BLMH: variants seen among roughly 807,000 people sequenced by gnomAD.
BLMH encodes the protein BLM hydrolase.
Under a neutral mutation model 61.6 loss-of-function variants are expected in BLMH, and 32 were observed. That is an observed-to-expected ratio of 0.52 (90% confidence interval 0.39 to 0.70). The LOEUF (loss-of-function observed/expected upper bound fraction) is 0.70, where lower values mean the gene tolerates loss of function less well. Among genes scored for constraint, BLMH ranks in the 30% least tolerant of loss-of-function variants. The probability of loss-of-function intolerance (pLI) is 0.00; values close to 1 mark genes in which losing one functional copy is unlikely to be tolerated. For synonymous variants in BLMH, 183 were observed against 193.8 expected, an observed-to-expected ratio of 0.94 and a Z score of 0.46; for missense variants, 460 against 555.5, an observed-to-expected ratio of 0.83 and a Z score of 1.73.
At chr17:30,251,018 T>C (rs1183024952) in intron 11 of BLMH, among the ~76,000 whole-genome samples, 1 of 152,216 alleles carries the variant, frequency 6.6e-6, no homozygotes, top group East Asian at 1.9e-4. Flanking sequence ...CTCACTTATA[T>C]AAGTTGGAGC....
intron 6 of BLMH, among the ~76,000 whole-genome samples, chr17:30,277,169 C>T (rs935161236): frequency 2.0e-5 from 3 of 152,172 alleles, no homozygotes; most frequent in Non-Finnish European, 2.9e-5. Flanking sequence ...GTGTGTGTTA[C>T]GAGCCTGAAC....
At chr17:30,250,266 G>C (rs1875451511) in intron 11 of BLMH, 2 of 152,190 alleles carry the variant, frequency 1.3e-5, no homozygotes, top group Admixed American at 6.5e-5. Flanking sequence ...TGCACAGCAA[G>C]AGAAATAGCA....
chr17:30,251,965 TA>T (rs1183619707), intron 11 of BLMH: 2 of 152,232 alleles, frequency 1.3e-5, no homozygotes, highest in African/African-American at 4.8e-5. Context: ...TTATATTATG[TA>T]AAAAAATATT....
At position 30,248,726 on chromosome 17, in the gene BLMH, C is replaced by G. The variant is rs1907592209; in HGVS notation, c.*291G>C. The G allele has an allele frequency of 3.2e-6, 1 of 312,112 alleles. No homozygotes were observed. Among genetic ancestry groups the G allele is most frequent in the African/African-American group, 2.2e-5 (1 of 46,320 alleles). The allele number at this position is 312,112 out of a possible 1,614,324, so 19.3% of individuals were successfully genotyped here. ...ACAGACACAGAACCAAACTTTTTGA[C>G]AGTTAAAGACAAACAATTACATCTA... On this transcript the variant is annotated 3_prime_UTR_variant, in exon 12 of 12. Coordinates refer to ENST00000261714, the MANE Select transcript of BLMH (RefSeq NM_000386.4).
chr17:30,286,723 T>G, intron 5 of BLMH, 91 bp downstream of exon 5: 4 of 852,130 alleles, frequency 4.7e-6, no homozygotes, highest in Non-Finnish European at 7.6e-6. Flanking sequence ...GTACACAAAC[T>G]GTATACAGAG....
intron 6 of BLMH, among the ~76,000 whole-genome samples, chr17:30,284,046 C>T (rs1379969120): frequency 6.6e-6 from 1 of 152,138 alleles, no homozygotes; most frequent in African/African-American, 2.4e-5. Flanking sequence ...AGTAACTTAC[C>T]TAGGATCACA....
rs1281178774 is a variant in BLMH at position 30,289,393 on chromosome 17, A to G, written c.301T>C (p.Tyr101His). Reference sequence around the variant, plus strand: ...CATACCTTGTCCCAAAAAAACAGGTAAGATTGGCTAAACTCAAATTCTTCA... The same window carrying G: ...CATACCTTGTCCCAAAAAAACAGGTGAGATTGGCTAAACTCAAATTCTTCA... Reference protein sequence around the residue: ...NIEEFEFSQSYLFFWDKVERC... With the variant: ...NIEEFEFSQSHLFFWDKVERC... The change falls in exon 3 of 12, where the codon TAC (tyrosine) becomes CAC (histidine). Residue 101 changes from tyrosine (Y) to histidine (H), a missense_variant. By Grantham distance (83) the Tyr-to-His change is moderately conservative. This residue lies in a region of BLMH where 43 missense variants were observed against 38.8 expected (regional missense o/e 1.11). Coordinates refer to ENST00000261714, the MANE Select transcript of BLMH (RefSeq NM_000386.4). 3 of 1,608,316 alleles carry G rather than the reference A, an allele frequency of 1.9e-6. No homozygotes were observed.
chr17:30,290,772 C>A (rs1349174316), intron 2 of BLMH, among the ~76,000 whole-genome samples: 1 of 152,210 alleles, frequency 6.6e-6, no homozygotes, highest in Admixed American at 6.5e-5. Flanking sequence ...ACCAGCAAGG[C>A]ATGAGAACAG....
At chr17:30,281,416 A>C (rs1908586875) in intron 6 of BLMH, among the ~76,000 whole-genome samples, 1 of 151,640 alleles carries the variant, frequency 6.6e-6, no homozygotes, top group Non-Finnish European at 1.5e-5. Context: ...GTCTGATGGC[A>C]CTACTTTAGA....
chr17:30,287,755 G>C (rs774598756), intron 4 of BLMH, 51 bp downstream of exon 4: 13 of 1,601,276 alleles, frequency 8.1e-6, no homozygotes, highest in South Asian at 3.3e-5. Flanking sequence ...CCTAACTACA[G>C]GCTTACTTAA....
At chr17:30,260,680 G>A (rs1402240353) in intron 11 of BLMH, among the ~76,000 whole-genome samples, 1 of 152,048 alleles carries the variant, frequency 6.6e-6, no homozygotes, top group East Asian at 1.9e-4. Flanking sequence ...TGGAGTTCGA[G>A]ACCAGCCTGG....
At chr17:30,278,851 G>A (rs988341550) in intron 6 of BLMH, among the ~76,000 whole-genome samples, 17 of 152,060 alleles carry the variant, frequency 1.1e-4, no homozygotes, top group Admixed American at 7.9e-4. Context: ...TTGTATTTTC[G>A]GTAGAGACAG....
At chr17:30,287,732 G>T (rs1789188484) in intron 4 of BLMH, 74 bp downstream of exon 4, 6 of 1,546,064 alleles carry the variant, frequency 3.9e-6, no homozygotes, top group Non-Finnish European at 5.3e-6. Context: ...AACCACCAAA[G>T]AATTGGCCCA....
intron 6 of BLMH, among the ~76,000 whole-genome samples, chr17:30,278,599 T>C (rs527570065): frequency 2.0e-5 from 3 of 152,238 alleles, no homozygotes. Context: ...TGTTGTTCAC[T>C]GTTTAATCTC....
chr17:30,268,246 TC>T (rs1908163580), intron 10 of BLMH, among the ~76,000 whole-genome samples: 1 of 152,160 alleles, frequency 6.6e-6, no homozygotes. Flanking sequence ...TCCTATGTTT[TC>T]CCCTTGGCCA....
At chr17:30,250,657 C>T (rs1322131904) in intron 11 of BLMH, among the ~76,000 whole-genome samples, 1 of 152,170 alleles carries the variant, frequency 6.6e-6, no homozygotes, top group Non-Finnish European at 1.5e-5. Flanking sequence ...ACTAGTACAA[C>T]CACTAAGGAA....
At chr17:30,282,407 G>A (rs562394554) in intron 6 of BLMH, among the ~76,000 whole-genome samples, 6 of 152,052 alleles carry the variant, frequency 3.9e-5, no homozygotes, top group South Asian at 2.1e-4. Context: ...TAGTAGAGAC[G>A]GGGTTTTGCC....
chr17:30,284,881 T>C (rs1908686624), intron 6 of BLMH, among the ~76,000 whole-genome samples: 1 of 152,216 alleles, frequency 6.6e-6, no homozygotes, highest in Non-Finnish European at 1.5e-5. Flanking sequence ...ACAATTCCTT[T>C]TGCCTAGAAT....
intron 11 of BLMH, among the ~76,000 whole-genome samples, chr17:30,256,462 G>T (rs1418564703): frequency 6.6e-6 from 1 of 152,026 alleles, no homozygotes; most frequent in Admixed American, 6.5e-5. Context: ...CTGAGTAGCT[G>T]GGAATACAGG....
Sources: allele counts gnomAD v4.1 joint callset (sites outside exome capture counted in the v4.1 genomes callset), GRCh38; gene constraint gnomAD v4.1.1; regional missense constraint gnomAD v4.1.1; transcripts MANE v1.5; gene names NCBI Gene and HGNC (gene_info 2026-07-23, HGNC 2026-07-21).